The following PCDH15 variants were observed in gnomAD, a reference collection of about 807,000 sequenced individuals.
The protein encoded by PCDH15 is protocadherin-15.
Under a neutral mutation model 178.5 loss-of-function variants are expected in PCDH15, and 129 were observed. The observed-to-expected ratio is 0.72, with a 90% CI of 0.63 to 0.84. The LOEUF (loss-of-function observed/expected upper bound fraction) is 0.84, where lower values mean the gene tolerates loss of function less well. Among genes scored for constraint, PCDH15 ranks in the 40% least tolerant of loss-of-function variants. PCDH15 has a pLI of 0.00. For synonymous variants in PCDH15, 800 were observed against 732.0 expected (o/e 1.09, Z -1.50); for missense variants, 2,230 against 2,099.9 (o/e 1.06, Z -1.21).
intron 29 of PCDH15, among the ~76,000 whole-genome samples, chr10:53,837,168 C>T (rs956962676): frequency 2.1e-4 from 31 of 150,538 alleles, no homozygotes; most frequent in Middle Eastern, 3.4e-3. Flanking sequence ...AATTGGAATC[C>T]CAGAAAAGGA....
intron 2 of PCDH15, among the ~76,000 whole-genome samples, chr10:55,419,949 T>C (rs1242830662): frequency 2.0e-5 from 3 of 151,722 alleles, no homozygotes; most frequent in African/African-American, 7.2e-5. Context: ...CCCCTCCAGT[T>C]TTTGCATGGC....
At chr10:55,091,452 G>A (rs1842314857) in intron 2 of PCDH15, among the ~76,000 whole-genome samples, 1 of 144,430 alleles carries the variant, frequency 6.9e-6, no homozygotes, top group South Asian at 2.2e-4. Flanking sequence ...TAATGCTATA[G>A]TAGAGGTCTA....
intron 2 of PCDH15, among the ~76,000 whole-genome samples, chr10:55,093,084 A>C (rs555243781): frequency 6.6e-6 from 1 of 152,112 alleles, no homozygotes; most frequent in Non-Finnish European, 1.5e-5. Flanking sequence ...AATTTATTTT[A>C]GATTTCACAG....
intron 2 of PCDH15, among the ~76,000 whole-genome samples, chr10:55,578,889 C>A (rs1263977412): frequency 6.6e-6 from 1 of 152,054 alleles, no homozygotes; most frequent in Non-Finnish European, 1.5e-5. Context: ...AAGATCCACC[C>A]CCCTATGATT....
chr10:53,834,730 C>T (rs771941563), intron 29 of PCDH15, among the ~76,000 whole-genome samples: 1 of 152,102 alleles, frequency 6.6e-6, no homozygotes, highest in Non-Finnish European at 1.5e-5. Flanking sequence ...TGTATTTCTG[C>T]CTCCATTGAT....
At chr10:54,749,655 C>G (rs780680043) in intron 1 of PCDH15, among the ~76,000 whole-genome samples, 1 of 152,062 alleles carries the variant, frequency 6.6e-6, no homozygotes, top group Non-Finnish European at 1.5e-5. Flanking sequence ...AAAAGAAATA[C>G]TCCAGTTACA....
chr10:54,614,835 T>C (rs2093078459), intron 2 of PCDH15, among the ~76,000 whole-genome samples: 1 of 152,006 alleles, frequency 6.6e-6, no homozygotes, highest in African/African-American at 2.4e-5. Flanking sequence ...TTATTACCTC[T>C]TCCTTGAATC....
chr10:55,462,749 C>A (rs556069956), intron 2 of PCDH15, among the ~76,000 whole-genome samples: 1 of 152,110 alleles, frequency 6.6e-6, no homozygotes, highest in South Asian at 2.1e-4. Flanking sequence ...TGTCCTTTTC[C>A]TTAGGTTTCA....
chr10:54,988,835 T>C (rs1839434824), intron 2 of PCDH15, among the ~76,000 whole-genome samples: 1 of 152,160 alleles, frequency 6.6e-6, no homozygotes, highest in South Asian at 2.1e-4. Flanking sequence ...GAAATTTGCG[T>C]AAGTAACAAG....
intron 2 of PCDH15, among the ~76,000 whole-genome samples, chr10:55,093,063 C>T (rs755036871): frequency 6.6e-6 from 1 of 151,784 alleles, no homozygotes; most frequent in Non-Finnish European, 1.5e-5. Context: ...GATAAAATAC[C>T]ACTGAATCAA....
intron 26 of PCDH15, among the ~76,000 whole-genome samples, chr10:53,867,710 A>G (rs1158163082): frequency 1.3e-5 from 2 of 152,134 alleles, no homozygotes; most frequent in African/African-American, 2.4e-5. Context: ...TTTTTGATGT[A>G]GTATATAGCC....
At chr10:55,405,803 C>T (rs1381860261) in intron 2 of PCDH15, among the ~76,000 whole-genome samples, 1 of 151,610 alleles carries the variant, frequency 6.6e-6, no homozygotes, top group African/African-American at 2.4e-5. Context: ...GCTCCTAATT[C>T]TAGTAGTGGT....
At chr10:53,904,372 C>A (rs574487744) in intron 25 of PCDH15, among the ~76,000 whole-genome samples, 1 of 152,078 alleles carries the variant, frequency 6.6e-6, no homozygotes, top group East Asian at 1.9e-4. Flanking sequence ...GTAATTAACA[C>A]CAGCCTACTT....
At chr10:54,926,909 T>G (rs1398221536) in intron 2 of PCDH15, among the ~76,000 whole-genome samples, 1 of 152,058 alleles carries the variant, frequency 6.6e-6, no homozygotes, top group Admixed American at 6.6e-5. Context: ...ACTCCTGGAT[T>G]TGTTGAGATT....
At chr10:54,916,880 A>C (rs1837351006) in intron 2 of PCDH15, among the ~76,000 whole-genome samples, 4 of 152,166 alleles carry the variant, frequency 2.6e-5, no homozygotes, top group Admixed American at 1.3e-4. Flanking sequence ...TTTGCAAGTG[A>C]TGAGAATGGT....
At chr10:53,959,269 CACTA>C (rs199730395) in intron 23 of PCDH15, among the ~76,000 whole-genome samples, 1,605 of 149,102 alleles carry the variant, frequency 0.011, 27 homozygotes, top group African/African-American at 0.035. Flanking sequence ...TATATATACA[CACTA>C]TATATATACA....
At chr10:55,576,543 C>G (rs939617778) in intron 2 of PCDH15, among the ~76,000 whole-genome samples, 7 of 152,292 alleles carry the variant, frequency 4.6e-5, no homozygotes, top group Non-Finnish European at 1.0e-4. Flanking sequence ...GAAATGAATA[C>G]TCCCAAATGG....
intron 2 of PCDH15, among the ~76,000 whole-genome samples, chr10:55,333,803 A>G (rs185819830): frequency 9.9e-5 from 15 of 151,804 alleles, no homozygotes; most frequent in Admixed American, 5.9e-4. Context: ...AAATTTCAAG[A>G]AAAAAAAGCT....
Position 55,575,546 on chromosome 10 carries a change from G to A in PCDH15, c.-156+52079C>T, listed in dbSNP as rs554296860. On this transcript the variant is annotated intron_variant, in intron 2 of 5. Coordinates refer to the PCDH15 transcript ENST00000613346. ...AAAACTTATGTCCTTAGTTTGTAAC[G>A]AAGTGTCTATAAAAGACTAGTCTTT... 10 of 152,176 alleles carry A rather than the reference G, an allele frequency of 6.6e-5. No homozygotes were observed. The East Asian group carries it at 7.7e-4, about 12-fold the overall frequency. 9.4% of individuals were successfully genotyped at this position (152,176 alleles called of 1,614,324 possible).
Sources: allele counts gnomAD v4.1 joint callset (sites outside exome capture counted in the v4.1 genomes callset), GRCh38; gene constraint gnomAD v4.1.1; transcripts MANE v1.5; gene names NCBI Gene and HGNC (gene_info 2026-07-23, HGNC 2026-07-21).